Variants in AGAP4 observed in about 807,000 individuals in gnomAD.
AGAP4 encodes ArfGAP with GTPase domain, ankyrin repeat and PH domain 4, also known as arf-GAP with GTPase, ANK repeat and PH domain-containing protein 4.
Under a neutral mutation model 60.7 loss-of-function variants are expected in AGAP4, and 13 were observed. That is an observed-to-expected ratio of 0.21 (90% CI 0.14 to 0.34). The LOEUF (loss-of-function observed/expected upper bound fraction) is 0.34, where lower values mean the gene tolerates loss of function less well. AGAP4 is among the 10% of genes least tolerant of loss of function. AGAP4 has a pLI of 1.00. For missense variants in AGAP4, 169 were observed against 884.0 expected (o/e 0.19, Z 10.26); for synonymous variants, 70 against 339.0 (o/e 0.21, Z 8.72).
At chr10:45,844,680 A>G (rs1265100875) in intron 2 of AGAP4, among the ~76,000 whole-genome samples, 4 of 142,086 alleles carry the variant, frequency 2.8e-5, no homozygotes, top group Admixed American at 7.0e-5. Flanking sequence ...AAAAAAAAAA[A>G]AAGAAGAGGT....
intron 2 of AGAP4, among the ~76,000 whole-genome samples, chr10:45,844,667 A>T (rs1156359855): frequency 3.7e-3 from 218 of 58,428 alleles, no homozygotes; most frequent in Non-Finnish European, 7.7e-3. Context: ...CCTTTATTTA[A>T]AAAAAAAAAA....
upstream of AGAP4, among the ~76,000 whole-genome samples, chr10:45,849,922 T>C (rs1459915182): frequency 4.0e-5 from 6 of 151,324 alleles, no homozygotes; most frequent in African/African-American, 1.5e-4. Flanking sequence ...TCGTATATTT[T>C]TAAAAGAATT....
chr10:45,835,276 G>A (rs2135938751), intron 4 of AGAP4, among the ~76,000 whole-genome samples: 1 of 105,050 alleles, frequency 9.5e-6, no homozygotes, highest in Non-Finnish European at 2.0e-5. Context: ...AACAAGTGAG[G>A]AAGCCATAGG....
At chr10:45,852,232 A>AAAAAACAAAC (rs1564866676), upstream of AGAP4, among the ~76,000 whole-genome samples, 1 of 143,666 alleles carries the variant, frequency 7.0e-6, no homozygotes, top group African/African-American at 2.6e-5. Flanking sequence ...AAAAAAAAAA[A>AAAAAACAAAC]AAAAAAAAAA....
intron 4 of AGAP4, among the ~76,000 whole-genome samples, chr10:45,840,074 G>A (rs1334432889): frequency 1.3e-5 from 2 of 149,656 alleles, no homozygotes; most frequent in South Asian, 2.1e-4. Context: ...GAGATAGTCT[G>A]CAGGTTTAGT....
At chr10:45,844,269 C>T (rs2058965832) in intron 3 of AGAP4, 57 bp downstream of exon 3, 7 of 1,591,670 alleles carry the variant, frequency 4.4e-6, no homozygotes, top group African/African-American at 2.8e-5. Flanking sequence ...TTTCTATAAC[C>T]TGATCAAACA....
upstream of AGAP4, chr10:45,848,887 G>GA (rs2059042910): frequency 6.7e-6 from 1 of 150,132 alleles, no homozygotes; most frequent in Admixed American, 6.6e-5. Flanking sequence ...TGGCCGCACA[G>GA]AGAGTGGGAA....
chr10:45,841,346 C>T (rs2058915329), intron 4 of AGAP4, among the ~76,000 whole-genome samples: 2 of 148,648 alleles, frequency 1.3e-5, no homozygotes, highest in African/African-American at 4.9e-5. Context: ...AGATGATCAG[C>T]CTGCCTCGGC....
Position 45,847,141 on chromosome 10 carries a change from G to C in AGAP4, c.207C>G (p.Asp69Glu). 1.3e-6 allele frequency: 2 copies of C among 1,599,002 alleles called. No homozygotes were observed. Among genetic ancestry groups the C allele is most frequent in the Non-Finnish European group, 1.7e-6 (2 of 1,179,304 alleles). ...GEDLHMHHVR[D>E]REMPEALEFN... is the part of the protein sequence containing the mutation. The stretch of plus-strand genomic sequence containing the variant: ...CCTCCTCACCTTCAGGCATCTCCCG[G>C]TCACGAACGTGGTGCATGTGGAGGT... Residue 69 changes from aspartate to glutamate, a missense_variant, in exon 1 of 8, where the codon GAC becomes GAG. Coordinates refer to ENST00000616763, the MANE Select transcript of AGAP4 (RefSeq NM_001276343.3).
upstream of AGAP4, among the ~76,000 whole-genome samples, chr10:45,850,508 A>G (rs2059070308): frequency 1.3e-5 from 2 of 152,094 alleles, no homozygotes; most frequent in African/African-American, 4.8e-5. Context: ...GAACCATGAA[A>G]AGGTGAAAAG....
upstream of AGAP4, chr10:45,854,293 T>C (rs1222840132): frequency 5.7e-4 from 91 of 158,344 alleles, 1 homozygote; most frequent in Non-Finnish European, 1.1e-3. Context: ...TTCCACCTTG[T>C]CCAGAACTAC....
At chr10:45,846,254 T>C (rs1250838092) in intron 2 of AGAP4, among the ~76,000 whole-genome samples, 5 of 151,448 alleles carry the variant, frequency 3.3e-5, no homozygotes, top group Non-Finnish European at 7.4e-5. Flanking sequence ...ACCATTTTTC[T>C]GCAGCCCCGG....
At chr10:45,848,894 G>A (rs1337737730), upstream of AGAP4, 1 of 149,922 alleles carries the variant, frequency 6.7e-6, no homozygotes, top group Non-Finnish European at 1.5e-5. Context: ...ACAGAGAGTG[G>A]GAACATGTGA....
At chr10:45,841,188 C>T (rs1206792758) in intron 4 of AGAP4, among the ~76,000 whole-genome samples, 4 of 106,926 alleles carry the variant, frequency 3.7e-5, no homozygotes, top group East Asian at 3.0e-4. Context: ...CTGCAACCTC[C>T]GCCTCCTGGG....
In AGAP4 at chr10:45,827,026, G is replaced by C; in HGVS notation, c.950C>G (p.Ser317Ter). ...ATTCTTCATATAATCACCTAAGCTT[G>C]AATAATAGGTGAGCACGCCATTGGA... ...LCSNGVLTYY[S>*]SLGDYMKNIH... is the part of the protein sequence containing the mutation. Residue 317 changes from serine (S) to a stop codon, truncating the protein, a stop_gained, in exon 8 of 8, where the codon TCA becomes TGA. Coordinates refer to ENST00000616763, the MANE Select transcript of AGAP4 (RefSeq NM_001276343.3). LOFTEE classifies it high-confidence loss of function. 1 of 1,290,290 alleles carries C rather than the reference G, an allele frequency of 7.8e-7. No individual in the cohort carries two copies. The highest frequency in any genetic ancestry group is 1.1e-6 in the Non-Finnish European group (1 of 932,556). 79.9% of individuals were successfully genotyped at this position (1,290,290 alleles called of 1,614,324 possible).
intron 4 of AGAP4, among the ~76,000 whole-genome samples, chr10:45,840,351 G>C (rs1462489977): frequency 7.9e-6 from 1 of 126,620 alleles, no homozygotes; most frequent in Non-Finnish European, 1.6e-5. Context: ...ATGTGTTCAA[G>C]TACAACTAGA....
intron 2 of AGAP4, among the ~76,000 whole-genome samples, chr10:45,845,590 A>C: frequency 8.7e-6 from 1 of 114,528 alleles, no homozygotes; most frequent in Non-Finnish European, 1.9e-5. Flanking sequence ...GAGACTAAAA[A>C]ACTCCAACTT....
intron 2 of AGAP4, among the ~76,000 whole-genome samples, chr10:45,844,884 G>T (rs1170671293): frequency 7.9e-6 from 1 of 126,824 alleles, no homozygotes; most frequent in African/African-American, 2.9e-5. Context: ...TAGTTCTCTT[G>T]AGTAGCTGTC....
upstream of AGAP4, among the ~76,000 whole-genome samples, chr10:45,849,841 C>G (rs1300337463): frequency 8.6e-5 from 13 of 151,014 alleles, no homozygotes; most frequent in African/African-American, 3.2e-4. Context: ...GGTTTCTGCA[C>G]GTTGGTCAGG....
Sources: allele counts gnomAD v4.1 joint callset (sites outside exome capture counted in the v4.1 genomes callset), GRCh38; gene constraint gnomAD v4.1.1; transcripts MANE v1.5; gene names NCBI Gene and HGNC (gene_info 2026-07-23, HGNC 2026-07-21).